CFAP44: variants seen among roughly 807,000 people sequenced by gnomAD.
The protein encoded by CFAP44 is cilia and flagella associated protein 44.
A neutral mutation model predicts 216.2 loss-of-function variants in CFAP44; 134 were observed. The ratio of observed to expected loss-of-function variants is 0.62; its 90% CI spans 0.54 to 0.72. The LOEUF (loss-of-function observed/expected upper bound fraction) is 0.72, where lower values mean the gene tolerates loss of function less well. CFAP44 is among the 30% of genes least tolerant of loss of function. The probability of loss-of-function intolerance (pLI) is 0.00; values close to 1 mark genes in which losing one functional copy is unlikely to be tolerated. For synonymous variants in CFAP44, 700 were observed against 727.6 expected, an observed-to-expected ratio of 0.96 and a Z score of 0.61; for missense variants, 2,035 against 2,182.1, an observed-to-expected ratio of 0.93 and a Z score of 1.34.
At chr3:113,326,687 C>G (rs751521473) in intron 27 of CFAP44, 47 bp from the exon 28 acceptor site, 65 of 1,242,620 alleles carry the variant, frequency 5.2e-5, no homozygotes, top group Admixed American at 4.8e-4. Context: ...TCTGATAAAC[C>G]AAGTTCAGAG....
At chr3:113,437,692 A>T (rs1272465789) in intron 1 of CFAP44, among the ~76,000 whole-genome samples, 2 of 152,234 alleles carry the variant, frequency 1.3e-5, no homozygotes, top group Non-Finnish European at 2.9e-5. Context: ...AAGAACCTGT[A>T]AAAAGCAGTG....
intron 24 of CFAP44, among the ~76,000 whole-genome samples, chr3:113,339,278 G>T (rs944524424): frequency 6.6e-6 from 1 of 152,148 alleles, no homozygotes; most frequent in East Asian, 1.9e-4. Flanking sequence ...ACTCCAGCTG[G>T]GGGTGGTGAA....
chr3:113,332,569 T>C (rs1950249364), intron 25 of CFAP44, among the ~76,000 whole-genome samples: 1 of 152,208 alleles, frequency 6.6e-6, no homozygotes, highest in Non-Finnish European at 1.5e-5. Flanking sequence ...TGTATCGAGT[T>C]CTCCTAAAAG....
chr3:113,375,865 G>T (rs1933328004), intron 17 of CFAP44, among the ~76,000 whole-genome samples: 1 of 150,990 alleles, frequency 6.6e-6, no homozygotes, highest in East Asian at 1.9e-4. Context: ...ACCTCTAAAA[G>T]AATAGTAAAA....
intron 24 of CFAP44, among the ~76,000 whole-genome samples, 176 bp downstream of exon 24, chr3:113,341,568 T>C (rs1950333663): frequency 6.6e-6 from 1 of 152,206 alleles, no homozygotes; most frequent in South Asian, 2.1e-4. Context: ...TCTACCAAAG[T>C]ATCACCACCC....
intron 21 of CFAP44, among the ~76,000 whole-genome samples, chr3:113,361,949 G>GT (rs1450869169): frequency 6.6e-6 from 1 of 151,806 alleles, no homozygotes; most frequent in Non-Finnish European, 1.5e-5. Flanking sequence ...ACCAGCACAA[G>GT]TGTTATAAGA....
chr3:113,384,478 G>C (rs1172339142), intron 15 of CFAP44, among the ~76,000 whole-genome samples: 1 of 152,184 alleles, frequency 6.6e-6, no homozygotes, highest in Non-Finnish European at 1.5e-5. Flanking sequence ...GTGACTGATA[G>C]ATCTTTGGGG....
At chr3:113,333,057 C>T (rs1172505344) in intron 25 of CFAP44, among the ~76,000 whole-genome samples, 1 of 152,130 alleles carries the variant, frequency 6.6e-6, no homozygotes, top group African/African-American at 2.4e-5. Context: ...GAGATAGAGA[C>T]ATTCATCAGA....
intron 31 of CFAP44, among the ~76,000 whole-genome samples, chr3:113,304,660 G>A (rs1367595231): frequency 1.3e-5 from 2 of 152,164 alleles, no homozygotes; most frequent in African/African-American, 4.8e-5. Context: ...AATGAGTAGA[G>A]ACTAAGCAAA....
intron 17 of CFAP44, among the ~76,000 whole-genome samples, chr3:113,376,865 A>G (rs1225824394): frequency 6.6e-6 from 1 of 152,228 alleles, no homozygotes; most frequent in Non-Finnish European, 1.5e-5. Context: ...ATAACTGAAT[A>G]GAAAAGACAG....
intron 11 of CFAP44, 29 bp from the exon 12 acceptor site, chr3:113,400,673 C>A (rs368946246): frequency 2.4e-5 from 38 of 1,572,892 alleles, no homozygotes; most frequent in Non-Finnish European, 3.2e-5. Context: ...CTTACTAGAT[C>A]TCAAAGACAG....
chr3:113,380,777 C>T, intron 16 of CFAP44, 122 bp downstream of exon 16: 1 of 789,822 alleles, frequency 1.3e-6, no homozygotes, highest in African/African-American at 1.8e-5. Flanking sequence ...AGATTATAAA[C>T]TCCTTAAGTT....
At chr3:113,321,261 A>G (rs1228352874) in intron 28 of CFAP44, among the ~76,000 whole-genome samples, 1 of 152,230 alleles carries the variant, frequency 6.6e-6, no homozygotes, top group Non-Finnish European at 1.5e-5. Flanking sequence ...ACAGAATTAA[A>G]AGCAAAAACC....
chr3:113,343,040 T>C (rs1950348575), intron 23 of CFAP44, among the ~76,000 whole-genome samples: 1 of 147,922 alleles, frequency 6.8e-6, no homozygotes, highest in Non-Finnish European at 1.5e-5. Context: ...ACTAACAAGT[T>C]TCTTTTCTTT....
intron 28 of CFAP44, among the ~76,000 whole-genome samples, chr3:113,322,190 A>G (rs116159308): frequency 6.6e-6 from 1 of 152,234 alleles, no homozygotes; most frequent in African/African-American, 2.4e-5. Flanking sequence ...CCGCAAGATC[A>G]GAATAGAAAA....
In CFAP44 at chr3:113,400,253, A is replaced by T. The variant is rs192394970; in HGVS notation, c.1475-253T>A. On this transcript the variant is annotated intron_variant, in intron 12 of 34. Transcript: ENST00000393845. ...GTCCATATAGATTTGCCATAAGTTA[A>T]GAAGGAAGAAAGGAGACGGAAAGAA... is the stretch of plus-strand genomic sequence containing the variant. Among the ~76,000 whole-genome samples, 94 of 152,284 alleles carry T rather than the reference A, an allele frequency of 6.2e-4. No individual in the cohort carries two copies. The highest frequency in any genetic ancestry group is 2.2e-3 in the African/African-American group (92 of 41,580).
At chr3:113,314,891 A>C (rs1469890401) in intron 28 of CFAP44, among the ~76,000 whole-genome samples, 2 of 152,142 alleles carry the variant, frequency 1.3e-5, no homozygotes, top group Non-Finnish European at 2.9e-5. Context: ...AATTATGTAT[A>C]TATAATGAAA....
intron 22 of CFAP44, among the ~76,000 whole-genome samples, chr3:113,349,880 C>A (rs1359417901): frequency 6.6e-6 from 1 of 152,234 alleles, no homozygotes; most frequent in Admixed American, 6.5e-5. Flanking sequence ...CCTGGGACAG[C>A]CTGTAGCCAG....
At chr3:113,438,180 C>T (rs1935279887) in intron 1 of CFAP44, among the ~76,000 whole-genome samples, 1 of 152,190 alleles carries the variant, frequency 6.6e-6, no homozygotes. Flanking sequence ...GTTGTTTTTA[C>T]TATACTCCTA....
Sources: allele counts gnomAD v4.1 joint callset (sites outside exome capture counted in the v4.1 genomes callset), GRCh38; gene constraint gnomAD v4.1.1; transcripts MANE v1.5; gene names NCBI Gene and HGNC (gene_info 2026-07-23, HGNC 2026-07-21).